Variants in CNGB3 observed in about 807,000 individuals in gnomAD.
CNGB3 encodes the protein cyclic nucleotide gated channel subunit beta 3.
A neutral mutation model predicts 92.8 loss-of-function variants in CNGB3; 86 were observed. The observed-to-expected ratio is 0.93, with a 90% CI of 0.78 to 1.11. CNGB3 has a LOEUF of 1.11. Ranked by LOEUF, CNGB3 falls within the 50% of genes least tolerant of loss-of-function variation. CNGB3 has a pLI of 0.00. For synonymous variants in CNGB3, 333 were observed against 332.7 expected (o/e 1.00, Z -0.01); for missense variants, 1,026 against 956.8 (o/e 1.07, Z -0.95).
chr8:86,610,547 C>A (rs1012123100), intron 14 of CNGB3, among the ~76,000 whole-genome samples: 3 of 152,042 alleles, frequency 2.0e-5, no homozygotes, highest in Non-Finnish European at 2.9e-5. Context: ...AGGACAGGTG[C>A]CCCTCCTTTG....
At chr8:86,661,960 A>G in intron 6 of CNGB3, 2 of 617,492 alleles carry the variant, frequency 3.2e-6, no homozygotes, top group South Asian at 3.8e-5. Context: ...CCCATCATGG[A>G]ACAGTCCTGG....
chr8:86,699,037 A>AT lies in CNGB3; in HGVS notation c.338+27493dup, dbSNP rs534909991. ...ATTTATTGTCCTAGGTGCTGGGTTT[A>AT]TTTTTTTCAGCAAATGAGAGTTTTC... On this transcript the variant is annotated intron_variant, in intron 3 of 17. Coordinates refer to ENST00000320005, the MANE Select transcript of CNGB3 (RefSeq NM_019098.5). Among the ~76,000 whole-genome samples the AT allele has an allele frequency of 3.0e-3, 464 of 152,236 alleles. 3 individuals carry two copies. The highest frequency in any genetic ancestry group is 9.8e-3 in the African/African-American group (409 of 41,540).
At chr8:86,737,721 C>G (rs72694154) in intron 2 of CNGB3, among the ~76,000 whole-genome samples, 4,955 of 152,130 alleles carry the variant, frequency 0.033, 149 homozygotes, top group East Asian at 0.13. Context: ...GTTTTTCTAG[C>G]CTCACCCTTC....
At chr8:86,703,256 C>G (rs1190354587) in intron 3 of CNGB3, among the ~76,000 whole-genome samples, 2 of 151,916 alleles carry the variant, frequency 1.3e-5, no homozygotes, top group African/African-American at 4.8e-5. Context: ...CTTTATTTAT[C>G]GCTTTATTAT....
At chr8:86,613,029 T>A (rs1274443288) in intron 13 of CNGB3, among the ~76,000 whole-genome samples, 1 of 152,112 alleles carries the variant, frequency 6.6e-6, no homozygotes, top group Non-Finnish European at 1.5e-5. Flanking sequence ...ATAAAGAGAG[T>A]TAATTTTGCT....
At chr8:86,679,425 G>A (rs1420028544) in intron 3 of CNGB3, among the ~76,000 whole-genome samples, 2 of 152,130 alleles carry the variant, frequency 1.3e-5, no homozygotes, top group Non-Finnish European at 2.9e-5. Context: ...TTGGAGACAC[G>A]ACCTATGGGG....
At chr8:86,578,057 G>A (rs1014445250) in intron 17 of CNGB3, among the ~76,000 whole-genome samples, 1 of 152,010 alleles carries the variant, frequency 6.6e-6, no homozygotes, top group African/African-American at 2.4e-5. Flanking sequence ...CTACAGGTGT[G>A]TGCCACCATG....
At chr8:86,600,776 A>ATTTTTTTTTTTTTTTTTTTTTTTTTTT (rs533111246) in intron 15 of CNGB3, among the ~76,000 whole-genome samples, 1 of 38,400 alleles carries the variant, frequency 2.6e-5, no homozygotes, top group African/African-American at 9.3e-5. Context: ...CGCTCGGCTA[A>ATTTTTTTTTTTTTTTTTTTTTTTTTTT]TTTTTTTTTT....
At chr8:86,597,935 G>A (rs975945740) in intron 15 of CNGB3, among the ~76,000 whole-genome samples, 4 of 152,010 alleles carry the variant, frequency 2.6e-5, no homozygotes, top group African/African-American at 9.7e-5. Flanking sequence ...CCGAGATGGT[G>A]CCACTGAACT....
At chr8:86,613,922 T>C (rs140312252) in intron 13 of CNGB3, among the ~76,000 whole-genome samples, 1 of 147,682 alleles carries the variant, frequency 6.8e-6, no homozygotes, top group East Asian at 1.9e-4. Flanking sequence ...TATGTACATA[T>C]AATATATAAT....
intron 17 of CNGB3, among the ~76,000 whole-genome samples, chr8:86,576,761 A>G (rs773919671): frequency 2.0e-4 from 31 of 152,198 alleles, no homozygotes; most frequent in Non-Finnish European, 4.1e-4. Context: ...TGACATATGA[A>G]TGTGCACAGA....
At chr8:86,743,420 A>T (rs1316703205) in intron 1 of CNGB3, 79 bp downstream of exon 1, 1 of 1,523,450 alleles carries the variant, frequency 6.6e-7, no homozygotes, top group African/African-American at 1.4e-5. Flanking sequence ...ACAATCATAT[A>T]TCGTAGCAGT....
At chr8:86,674,962 G>A (rs543247333) in intron 3 of CNGB3, among the ~76,000 whole-genome samples, 12 of 151,182 alleles carry the variant, frequency 7.9e-5, no homozygotes, top group African/African-American at 2.7e-4. Flanking sequence ...TGTTGTTGTT[G>A]TTGTTGTTGT....
chr8:86,621,609 T>C (rs183699741), intron 13 of CNGB3, among the ~76,000 whole-genome samples: 137 of 152,152 alleles, frequency 9.0e-4, no homozygotes, highest in Admixed American at 2.9e-3. Context: ...ACTATACCCA[T>C]TGTGTAGGCT....
intron 10 of CNGB3, among the ~76,000 whole-genome samples, chr8:86,637,802 C>T (rs1823101529): frequency 6.6e-6 from 1 of 152,036 alleles, no homozygotes. Flanking sequence ...ATGCATATAC[C>T]TGTGTAACAA....
At chr8:86,704,306 A>C (rs1324326060) in intron 3 of CNGB3, 1 of 152,296 alleles carries the variant, frequency 6.6e-6, no homozygotes, top group Non-Finnish European at 1.5e-5. Context: ...GAGCAAGAAG[A>C]GGAGAGATCG....
intron 13 of CNGB3, among the ~76,000 whole-genome samples, chr8:86,615,624 A>G (rs1822604564): frequency 6.6e-6 from 1 of 152,078 alleles, no homozygotes; most frequent in Admixed American, 6.6e-5. Context: ...TTAATTGACT[A>G]AAAAATGAAA....
rs149355284 is a variant in CNGB3 at position 86,704,479 on chromosome 8, A to T, written c.338+22052T>A. On this transcript the variant is annotated intron_variant, in intron 3 of 17. Transcript: ENST00000320005. ...TTAGACTGTATTTTCCTATCCTGTT[A>T]ACTAGGGATGATAAAAACATGGCTG... 629 of 152,354 alleles carry T rather than the reference A, an allele frequency of 4.1e-3. 3 individuals carry two copies. Among genetic ancestry groups the T allele is most frequent in the African/African-American group, 0.014 (596 of 41,576 alleles). 9.4% of individuals were successfully genotyped at this position (152,354 alleles called of 1,614,324 possible). A position where few individuals can be genotyped will look rare whatever the true frequency, so the allele number is the denominator to read the frequency against.
intron 4 of CNGB3, among the ~76,000 whole-genome samples, chr8:86,670,049 C>A (rs1184434846): frequency 1.3e-5 from 2 of 152,038 alleles, no homozygotes; most frequent in Non-Finnish European, 2.9e-5. Flanking sequence ...AGGGTTTCAC[C>A]ATGTTGGCCA....
Sources: allele counts gnomAD v4.1 joint callset (sites outside exome capture counted in the v4.1 genomes callset), GRCh38; gene constraint gnomAD v4.1.1; transcripts MANE v1.5; gene names NCBI Gene and HGNC (gene_info 2026-07-23, HGNC 2026-07-21).